Variants in KCNC4 observed in about 807,000 individuals in gnomAD.
The protein encoded by KCNC4 is voltage-gated potassium channel KCNC4.
A neutral mutation model predicts 42.8 loss-of-function variants in KCNC4; 23 were observed. The observed-to-expected ratio is 0.54, with a 90% CI of 0.39 to 0.76. The LOEUF is 0.76. Ranked by LOEUF, KCNC4 falls within the 30% of genes least tolerant of loss-of-function variation. KCNC4 has a pLI of 0.00. For missense variants in KCNC4, 751 were observed against 898.2 expected, an observed-to-expected ratio of 0.84 and a Z score of 2.10; for synonymous variants, 422 against 393.5, an observed-to-expected ratio of 1.07 and a Z score of -0.86.
chr1:110,263,790 A>C, intron 1 of KCNC4, among the ~76,000 whole-genome samples: 1 of 63,574 alleles, frequency 1.6e-5, no homozygotes, highest in Admixed American at 1.3e-4. Context: ...CTTCCTCTCT[A>C]AAAAAAAAAC....
chr1:110,278,101 C>T (rs1454020319), intron 1 of KCNC4, among the ~76,000 whole-genome samples: 5 of 146,134 alleles, frequency 3.4e-5, no homozygotes, highest in African/African-American at 5.0e-5. Flanking sequence ...GAGCTATGAT[C>T]GCATCACTAC....
chr1:110,268,107 C>G (rs1006920461), intron 1 of KCNC4, among the ~76,000 whole-genome samples: 12 of 152,122 alleles, frequency 7.9e-5, no homozygotes, highest in African/African-American at 2.2e-4. Flanking sequence ...AAAGAACTTC[C>G]CCATATGTAT....
At chr1:110,225,850 A>C in intron 2 of KCNC4, 125 bp from the exon 3 acceptor site, 1 of 872,204 alleles carries the variant, frequency 1.1e-6, no homozygotes, top group African/African-American at 1.7e-5. Flanking sequence ...GCTGCCTCTC[A>C]GGTAGATGCT....
intron 1 of KCNC4, among the ~76,000 whole-genome samples, chr1:110,271,553 T>C (rs4839283): frequency 0.55 from 83,057 of 152,044 alleles, 23,026 homozygotes; most frequent in Admixed American, 0.62. Flanking sequence ...TGGACTGGTT[T>C]ATTCCTATCC....
Position 110,233,299 on chromosome 1 carries a change from T to G in KCNC4, c.*327T>G. 1 of 409,468 alleles carries G rather than the reference T, an allele frequency of 2.4e-6. No homozygotes were observed. The allele number at this position is 409,468 out of a possible 1,614,324, so 25.4% of individuals were successfully genotyped here. On this transcript the variant is annotated 3_prime_UTR_variant, in exon 4 of 4. Coordinates refer to ENST00000438661, the MANE Select transcript of KCNC4 (RefSeq NM_001039574.3). ...CTAAGCCCTTGCCCCACCCAGAGTT[T>G]CCCGTCCCCTTCACTGATTTCTGTT...
At chr1:110,276,412 G>T (rs1280068293) in intron 1 of KCNC4, among the ~76,000 whole-genome samples, 1 of 151,840 alleles carries the variant, frequency 6.6e-6, no homozygotes, top group East Asian at 1.9e-4. Flanking sequence ...CAGGACACCA[G>T]GACCAGAGAG....
intron 1 of KCNC4, among the ~76,000 whole-genome samples, chr1:110,271,791 C>T (rs936969039): frequency 1.3e-5 from 2 of 152,124 alleles, no homozygotes; most frequent in African/African-American, 4.8e-5. Flanking sequence ...GGGGAGGAGA[C>T]TGTCCCCATC....
chr1:110,225,560 C>G (rs1658343501), intron 2 of KCNC4: 1 of 168,586 alleles, frequency 5.9e-6, no homozygotes, highest in Admixed American at 5.8e-5. Flanking sequence ...CCGTGCCACC[C>G]CTCACCGCTA....
Position 110,211,220 on chromosome 1 carries a change from T to C in KCNC4, c.-280T>C. The C allele has an allele frequency of 2.2e-6, 1 of 456,910 alleles. No individual in the cohort carries two copies. Among genetic ancestry groups the C allele is most frequent in the Non-Finnish European group, 3.9e-6 (1 of 253,822 alleles). 28.3% of individuals were successfully genotyped at this position (456,910 alleles called of 1,614,324 possible). On this transcript the variant is annotated 5_prime_UTR_variant, in exon 1 of 4. Transcript: ENST00000438661. The surrounding 1 kb of genome is among the most constrained non-coding windows in gnomAD (Gnocchi z 6.5). Reference sequence around the variant, plus strand: ...TGTCCCGTCGTAGCGGGGGACCGCGTGTGTGCTTGCTTCTACTTCCCCGGG... The same window carrying C: ...TGTCCCGTCGTAGCGGGGGACCGCGCGTGTGCTTGCTTCTACTTCCCCGGG...
rs1412577174 is a variant in KCNC4 at position 110,211,907 on chromosome 1, C to G, written c.408C>G (p.Asp136Glu). 4 of 1,611,636 alleles carry G rather than the reference C, an allele frequency of 2.5e-6. No individual in the cohort carries two copies. Among genetic ancestry groups the G allele is most frequent in the African/African-American group, 1.3e-5 (1 of 74,986 alleles). The change falls in exon 1 of 4, where the codon GAC becomes GAG. Residue 136 changes from aspartate to glutamate, a missense_variant. Around this residue, in one of 4 missense-constraint regions of KCNC4, gnomAD observed 183 missense variants for 255.8 expected, o/e 0.72. Transcript: ENST00000438661. This position sits in a 1 kb window ranked among gnomAD's most constrained non-coding sequence, Gnocchi z 6.5. ...AGGAGCTCACCTTCTGGGGCATCGA[C>G]GAGACCGACGTGGAACCCTGCTGCT... The part of the protein sequence containing the change: ...FEEELTFWGI[D>E]ETDVEPCCWM...
At chr1:110,258,073 A>G (rs1659367186) in intron 1 of KCNC4, among the ~76,000 whole-genome samples, 1 of 152,212 alleles carries the variant, frequency 6.6e-6, no homozygotes, top group African/African-American at 2.4e-5. Flanking sequence ...GCACATTGCT[A>G]TGCTAAATGG....
chr1:110,228,295 T>C (rs1295229815), intron 3 of KCNC4, among the ~76,000 whole-genome samples: 3 of 152,034 alleles, frequency 2.0e-5, no homozygotes, highest in Non-Finnish European at 2.9e-5. Flanking sequence ...GGTCTTTGTC[T>C]AGCTGGGCTA....
At chr1:110,268,877 C>T (rs1659594061) in intron 1 of KCNC4, among the ~76,000 whole-genome samples, 1 of 151,588 alleles carries the variant, frequency 6.6e-6, no homozygotes, top group African/African-American at 2.4e-5. Flanking sequence ...TACAGGCGCC[C>T]GCCACCACGC....
chr1:110,281,735 C>T (rs1048355692), intron 1 of KCNC4, among the ~76,000 whole-genome samples: 1 of 152,142 alleles, frequency 6.6e-6, no homozygotes, highest in African/African-American at 2.4e-5. Flanking sequence ...TCCGGCCCAG[C>T]CTGCAGAGGT....
At chr1:110,261,314 A>C (rs1024943475) in intron 1 of KCNC4, among the ~76,000 whole-genome samples, 9 of 152,264 alleles carry the variant, frequency 5.9e-5, no homozygotes, top group African/African-American at 2.2e-4. Flanking sequence ...ACAATATGGC[A>C]ATAAAAAATG....
At chr1:110,270,385 G>C (rs1203472687) in intron 1 of KCNC4, among the ~76,000 whole-genome samples, 2 of 152,212 alleles carry the variant, frequency 1.3e-5, no homozygotes, top group Non-Finnish European at 2.9e-5. Context: ...GTGATTAAGA[G>C]AGGGAACAGC....
In KCNC4 at chr1:110,211,362, G is replaced by A. The variant is rs187164679; in HGVS notation, c.-138G>A. On this transcript the variant is annotated 5_prime_UTR_variant, in exon 1 of 4. Transcript: ENST00000438661. The surrounding 1 kb of genome is among the most constrained non-coding windows in gnomAD (Gnocchi z 6.5). Reference sequence around the variant, plus strand: ...GTCCTAGGGGGATAGGCAGGGGCAAGCCCAAGCCGCAGAGGGGGCCGCCAC... The same window carrying A: ...GTCCTAGGGGGATAGGCAGGGGCAAACCCAAGCCGCAGAGGGGGCCGCCAC... 4.3e-4 allele frequency: 566 copies of A among 1,317,872 alleles called. 5 individuals are homozygous for A. In the East Asian group the frequency reaches 0.014, roughly 33 times the overall value. 81.6% of individuals were successfully genotyped at this position (1,317,872 alleles called of 1,614,324 possible).
In KCNC4 at chr1:110,211,387, C is replaced by A; in HGVS notation, c.-113C>A. 1 of 1,441,896 alleles carries A rather than the reference C, an allele frequency of 6.9e-7. No individual in the cohort carries two copies. The allele number at this position is 1,441,896 out of a possible 1,614,324, so 89.3% of individuals were successfully genotyped here. A position where few individuals can be genotyped will look rare whatever the true frequency, so the allele number is the denominator to read the frequency against. ...GCCCAAGCCGCAGAGGGGGCCGCCA[C>A]CGCCTCCTGCCTCCTCTTCGTCTCC... On this transcript the variant is annotated 5_prime_UTR_variant, in exon 1 of 4. Coordinates refer to ENST00000438661, the MANE Select transcript of KCNC4 (RefSeq NM_001039574.3). The surrounding 1 kb of genome is among the most constrained non-coding windows in gnomAD (Gnocchi z 6.5).
intron 3 of KCNC4, among the ~76,000 whole-genome samples, chr1:110,229,740 G>A (rs1272978263): frequency 6.6e-6 from 1 of 152,186 alleles, no homozygotes; most frequent in African/African-American, 2.4e-5. Flanking sequence ...GGGGAAGTGT[G>A]GGGACAGAAG....
Sources: allele counts gnomAD v4.1 joint callset (sites outside exome capture counted in the v4.1 genomes callset), GRCh38; gene constraint gnomAD v4.1.1; regional missense constraint gnomAD v4.1.1; non-coding constraint Gnocchi (gnomAD v3.1); transcripts MANE v1.5; gene names NCBI Gene and HGNC (gene_info 2026-07-23, HGNC 2026-07-21).